Variants in MYO16 observed in about 807,000 individuals in gnomAD.
MYO16 encodes myosin XVI, also known as unconventional myosin-XVI.
In MYO16, 94 loss-of-function variants were observed where a neutral mutation model predicts 205.3. The ratio of observed to expected loss-of-function variants is 0.46; its 90% CI spans 0.39 to 0.54. The LOEUF is 0.54. Ranked by LOEUF, MYO16 falls within the 20% of genes least tolerant of loss-of-function variation. The pLI, the probability that MYO16 is intolerant of heterozygous loss-of-function variation, is 0.00. For synonymous variants in MYO16, 988 were observed against 954.0 expected (o/e 1.04, Z -0.66); for missense variants, 2,315 against 2,387.5 (o/e 0.97, Z 0.63).
chr13:108,680,510 G>T (rs564022047), intron 2 of MYO16, among the ~76,000 whole-genome samples: 1 of 152,292 alleles, frequency 6.6e-6, no homozygotes, highest in African/African-American at 2.4e-5. Context: ...TGCAGGCTTT[G>T]CATAGAGTTT....
At chr13:108,658,548 T>C (rs2139417925) in intron 1 of MYO16, among the ~76,000 whole-genome samples, 1 of 152,258 alleles carries the variant, frequency 6.6e-6, no homozygotes, top group Admixed American at 6.5e-5. Context: ...AATTTATTTC[T>C]ATGAATTGCT....
rs1411594114 is a variant in MYO16, at chr13:108,883,138, C to T, written c.1505C>T (p.Ala502Val). 2 of 1,613,848 alleles carry T rather than the reference C, an allele frequency of 1.2e-6. No homozygotes were observed. The highest frequency in any genetic ancestry group is 2.7e-5 in the African/African-American group (2 of 74,916). Residue 502 changes from alanine (A) to valine (V), a missense_variant, in exon 13 of 35, where the codon GCC becomes GTC. Ala to Val is a moderately conservative substitution (Grantham distance 64, BLOSUM62 0). Coordinates refer to ENST00000457511, the MANE Select transcript of MYO16 (RefSeq NM_001198950.3). Reference protein sequence around the residue: ...PPHLFSCVERAFHQLFREQRP... With the variant: ...PPHLFSCVERVFHQLFREQRP... The stretch of plus-strand genomic sequence containing the variant: ...CACCTCTTCTCCTGTGTGGAGAGAG[C>T]CTTTCACCAGCTCTTCCGGGAACAG...
the MYO16 span, among the ~76,000 whole-genome samples, chr13:108,558,254 G>A: frequency 6.6e-6 from 1 of 152,258 alleles, no homozygotes; most frequent in Admixed American, 6.5e-5. Context: ...CATGGAAGTC[G>A]AATTGGCTTT....
chr13:109,032,987 A>G (rs1057278054), intron 23 of MYO16, among the ~76,000 whole-genome samples: 8 of 152,328 alleles, frequency 5.3e-5, no homozygotes, highest in African/African-American at 1.7e-4. Flanking sequence ...CATGTAAATT[A>G]TGGATAATCT....
At chr13:108,860,653 C>T (rs959428228) in intron 11 of MYO16, among the ~76,000 whole-genome samples, 1 of 152,106 alleles carries the variant, frequency 6.6e-6, no homozygotes, top group East Asian at 1.9e-4. Flanking sequence ...CATCTGTGAC[C>T]ATCTGTTCTT....
intron 33 of MYO16, among the ~76,000 whole-genome samples, chr13:109,169,443 C>CA (rs1878838710): frequency 6.6e-6 from 1 of 151,678 alleles, no homozygotes; most frequent in South Asian, 2.1e-4. Context: ...TCTTTGAAAA[C>CA]AATAAGATTG....
At chr13:108,823,095 T>C in intron 8 of MYO16, 30 bp from the exon 9 acceptor site, 1 of 1,589,806 alleles carries the variant, frequency 6.3e-7, no homozygotes, top group African/African-American at 1.3e-5. Flanking sequence ...ACCCATCATT[T>C]TTCTGATTTT....
chr13:108,859,787 C>T (rs915420937), intron 11 of MYO16, among the ~76,000 whole-genome samples: 6 of 152,068 alleles, frequency 3.9e-5, no homozygotes, highest in Non-Finnish European at 7.3e-5. Context: ...TTTACAAGCA[C>T]ATTAGTGGGA....
the MYO16 span, among the ~76,000 whole-genome samples, chr13:108,588,991 G>C: frequency 6.6e-6 from 1 of 152,204 alleles, no homozygotes; most frequent in Admixed American, 6.5e-5. Flanking sequence ...AATCGGTGTT[G>C]AATAAATGAG....
intron 2 of MYO16, among the ~76,000 whole-genome samples, chr13:108,689,926 C>T (rs755253988): frequency 2.0e-5 from 3 of 152,160 alleles, no homozygotes; most frequent in Non-Finnish European, 4.4e-5. Context: ...ATGTCACTTG[C>T]TTTTTGTATA....
At chr13:108,657,494 A>C (rs1471733420) in intron 1 of MYO16, among the ~76,000 whole-genome samples, 7 of 152,244 alleles carry the variant, frequency 4.6e-5, no homozygotes, top group Non-Finnish European at 1.0e-4. Context: ...GAAGAAATAT[A>C]TATCTTGGTT....
At position 109,140,532 on chromosome 13, in the gene MYO16, C is replaced by T; in HGVS notation, c.4320C>T (p.His1440=). 6.4e-7 allele frequency: 1 copy of T among 1,550,716 alleles called. No homozygotes were observed. Among genetic ancestry groups the T allele is most frequent in the South Asian group, 1.2e-5 (1 of 85,296 alleles). ...SEPVYIEMLG[H]AARPDSPDPG... ...CTGTGTACATCGAGATGCTGGGGCACGCGGCCAGGCCCGATAGCCCGGACC... is the reference window on the plus strand; with the variant it reads ...CTGTGTACATCGAGATGCTGGGGCATGCGGCCAGGCCCGATAGCCCGGACC... The change falls in exon 32 of 35, where the codon CAC becomes CAT. Residue 1440 remains histidine (H), a synonymous_variant. Coordinates refer to ENST00000457511, the MANE Select transcript of MYO16 (RefSeq NM_001198950.3). The surrounding 1 kb of genome is among the most constrained non-coding windows in gnomAD (Gnocchi z 8.0).
the MYO16 span, among the ~76,000 whole-genome samples, chr13:108,528,553 TC>T: frequency 3.1e-5 from 4 of 127,656 alleles, no homozygotes; most frequent in Admixed American, 7.4e-5. Flanking sequence ...TTGTCTCTCC[TC>T]TCCTCTCCTC....
At chr13:108,495,926 T>C in the MYO16 span, among the ~76,000 whole-genome samples, 1 of 151,568 alleles carries the variant, frequency 6.6e-6, no homozygotes, top group Non-Finnish European at 1.5e-5. Flanking sequence ...CTCCGGCAGG[T>C]AGGGGCGTCG....
At chr13:108,873,687 A>C (rs868576886) in intron 12 of MYO16, among the ~76,000 whole-genome samples, 9 of 117,612 alleles carry the variant, frequency 7.7e-5, no homozygotes, top group Admixed American at 6.3e-4. Flanking sequence ...ATGCCAACCA[A>C]CAGGACAGGG....
chr13:108,876,577 T>C (rs1158549925), intron 12 of MYO16, among the ~76,000 whole-genome samples: 1 of 152,204 alleles, frequency 6.6e-6, no homozygotes, highest in Admixed American at 6.5e-5. Context: ...ATGTTTACTA[T>C]ATACATGAAC....
chr13:108,721,929 G>A (rs952309982), intron 3 of MYO16, among the ~76,000 whole-genome samples: 10 of 152,124 alleles, frequency 6.6e-5, no homozygotes, highest in Admixed American at 1.3e-4. Context: ...TGATTAAAGG[G>A]CTTGGTAATT....
chr13:108,499,339 C>A, the MYO16 span, among the ~76,000 whole-genome samples: 3 of 152,338 alleles, frequency 2.0e-5, no homozygotes, highest in East Asian at 3.9e-4. Context: ...CCTTGGGATG[C>A]TAACTCTAGA....
intron 3 of MYO16, among the ~76,000 whole-genome samples, chr13:108,720,425 CTG>C (rs1330907785): frequency 6.6e-6 from 1 of 152,224 alleles, no homozygotes. Flanking sequence ...TCTTCTCTCT[CTG>C]TCACTGTTTC....
Sources: allele counts gnomAD v4.1 joint callset (sites outside exome capture counted in the v4.1 genomes callset), GRCh38; gene constraint gnomAD v4.1.1; non-coding constraint Gnocchi (gnomAD v3.1); transcripts MANE v1.5; gene names NCBI Gene and HGNC (gene_info 2026-07-23, HGNC 2026-07-21).